ZNF469: variants seen among roughly 807,000 people sequenced by gnomAD.
The protein encoded by ZNF469 is zinc finger protein 469.
In ZNF469, 1 loss-of-function variant was observed where a neutral mutation model predicts 1.0. That is an observed-to-expected ratio of 1.00 (90% confidence interval 0.35 to 4.73). The LOEUF (loss-of-function observed/expected upper bound fraction) is 4.73. Ranked by LOEUF, ZNF469 falls within the 30% of genes most tolerant of loss-of-function variation. The pLI, the probability that ZNF469 is intolerant of heterozygous loss-of-function variation, is 0.16. For synonymous variants in ZNF469, 2,703 were observed against 2,363.4 expected (o/e 1.14, Z -4.17); for missense variants, 6,100 against 5,356.3 (o/e 1.14, Z -4.33).
intron 1 of ZNF469, among the ~76,000 whole-genome samples, chr16:88,385,642 C>CAAAA (rs66861611): frequency 7.5e-6 from 1 of 133,200 alleles, no homozygotes; most frequent in Non-Finnish European, 1.6e-5. Flanking sequence ...GACTCTGTCT[C>CAAAA]AAAAAAAAAA....
chr16:88,241,284 G>A, the ZNF469 span, among the ~76,000 whole-genome samples: 10 of 151,896 alleles, frequency 6.6e-5, no homozygotes, highest in Admixed American at 5.9e-4. This position sits in a 1 kb window ranked among gnomAD's most constrained non-coding sequence, Gnocchi z 4.8. Flanking sequence ...GCTTGAACTC[G>A]GGAGGTGGAG....
chr16:88,253,093 A>C, the ZNF469 span, among the ~76,000 whole-genome samples: 1 of 152,196 alleles, frequency 6.6e-6, no homozygotes, highest in Non-Finnish European at 1.5e-5. Context: ...TCACCGTTTC[A>C]GGTCACTTAC....
the ZNF469 span, among the ~76,000 whole-genome samples, chr16:88,353,288 G>A: frequency 7.2e-5 from 11 of 152,010 alleles, no homozygotes; most frequent in Non-Finnish European, 1.5e-4. Flanking sequence ...TCTTTAAAAC[G>A]TGAGTCTGCC....
At chr16:88,241,758 T>C in the ZNF469 span, among the ~76,000 whole-genome samples, 1 of 152,104 alleles carries the variant, frequency 6.6e-6, no homozygotes, top group East Asian at 1.9e-4. This position sits in a 1 kb window ranked among gnomAD's most constrained non-coding sequence, Gnocchi z 4.8. Context: ...TGAGGTGGTA[T>C]GAGATGACAA....
At chr16:88,153,967 T>A in the ZNF469 span, among the ~76,000 whole-genome samples, 5 of 151,348 alleles carry the variant, frequency 3.3e-5, no homozygotes, top group African/African-American at 1.2e-4. Flanking sequence ...AAAGGCCCCA[T>A]CTTCAAACAC....
chr16:88,341,957 G>A, the ZNF469 span, among the ~76,000 whole-genome samples: 1 of 152,184 alleles, frequency 6.6e-6, no homozygotes, highest in African/African-American at 2.4e-5. Context: ...CAGCATTGAT[G>A]TGTGGACTTC....
At chr16:88,161,391 C>T in the ZNF469 span, among the ~76,000 whole-genome samples, 8 of 152,164 alleles carry the variant, frequency 5.3e-5, no homozygotes, top group Non-Finnish European at 8.8e-5. Context: ...GTGTGCTCAT[C>T]AGAATCTATT....
chr16:88,363,202 C>G, the ZNF469 span, among the ~76,000 whole-genome samples: 1 of 152,142 alleles, frequency 6.6e-6, no homozygotes, highest in African/African-American at 2.4e-5. Flanking sequence ...CAGACTTGGT[C>G]TCTGTTGATT....
the ZNF469 span, among the ~76,000 whole-genome samples, chr16:88,285,097 C>T: frequency 2.6e-5 from 4 of 152,362 alleles, no homozygotes; most frequent in East Asian, 3.9e-4. Context: ...GCCTCATACC[C>T]GTCAGCTTCA....
Position 88,428,475 on chromosome 16 carries a change from G to A in ZNF469, c.1005G>A (p.Leu335=), listed in dbSNP as rs1555518581. The change falls in exon 3 of 3, where the codon CTG becomes CTA. Residue 335 remains leucine, a synonymous_variant. Coordinates refer to ENST00000565624, the MANE Select transcript of ZNF469 (RefSeq NM_001367624.2). ...CCACCCAGCCTGCGCCCTCACCCCT[G>A]CCCTGCTACCAGGGCCAGCCAGGTG... ...PLPTQPAPSP[L]PCYQGQPGGL... is the part of the protein sequence containing the mutation. 1 of 1,549,182 alleles carries A rather than the reference G, an allele frequency of 6.5e-7. No homozygotes were observed.
the ZNF469 span, among the ~76,000 whole-genome samples, chr16:88,226,529 GT>G: frequency 6.6e-6 from 1 of 152,168 alleles, no homozygotes; most frequent in African/African-American, 2.4e-5. Context: ...GACCTCCGGA[GT>G]TGGGAGAGAG....
At chr16:88,385,247 G>A (rs755858884) in intron 1 of ZNF469, among the ~76,000 whole-genome samples, 3 of 152,094 alleles carry the variant, frequency 2.0e-5, no homozygotes, top group Non-Finnish European at 2.9e-5. Flanking sequence ...TGTCACCACC[G>A]ATAGTGCCCT....
chr16:88,415,781 C>T (rs983336784), intron 1 of ZNF469, among the ~76,000 whole-genome samples: 9 of 152,204 alleles, frequency 5.9e-5, no homozygotes, highest in African/African-American at 1.4e-4. Flanking sequence ...AAACCGGGAC[C>T]GACGGCTTCT....
At chr16:88,175,335 G>A in the ZNF469 span, among the ~76,000 whole-genome samples, 1 of 152,212 alleles carries the variant, frequency 6.6e-6, no homozygotes, top group Non-Finnish European at 1.5e-5. Flanking sequence ...TGGAAGACCT[G>A]AAGAACGTTA....
the ZNF469 span, among the ~76,000 whole-genome samples, chr16:88,238,337 A>T: frequency 2.0e-5 from 3 of 152,200 alleles, no homozygotes; most frequent in African/African-American, 7.2e-5. Flanking sequence ...CAAGTGACAC[A>T]CAGGGGTCCC....
At chr16:88,296,333 G>A in the ZNF469 span, among the ~76,000 whole-genome samples, 1 of 152,158 alleles carries the variant, frequency 6.6e-6, no homozygotes, top group African/African-American at 2.4e-5. Flanking sequence ...GCGTGGGGGT[G>A]GGGGAATGAC....
chr16:88,260,425 T>G, the ZNF469 span, among the ~76,000 whole-genome samples: 1 of 152,200 alleles, frequency 6.6e-6, no homozygotes, highest in Admixed American at 6.5e-5. The surrounding 1 kb of genome is among the most constrained non-coding windows in gnomAD (Gnocchi z 4.1). Flanking sequence ...CGGTTGCATC[T>G]CCGGCCGTCA....
At chr16:88,182,286 A>G in the ZNF469 span, among the ~76,000 whole-genome samples, 3 of 152,182 alleles carry the variant, frequency 2.0e-5, no homozygotes, top group Non-Finnish European at 4.4e-5. Context: ...AGTATTGTTA[A>G]GATGTAAATC....
the ZNF469 span, among the ~76,000 whole-genome samples, chr16:88,297,051 C>G: frequency 6.6e-6 from 1 of 152,338 alleles, no homozygotes; most frequent in Non-Finnish European, 1.5e-5. Context: ...GCCATTGCTC[C>G]AGGAGAGATC....
Sources: allele counts gnomAD v4.1 joint callset (sites outside exome capture counted in the v4.1 genomes callset), GRCh38; gene constraint gnomAD v4.1.1; non-coding constraint Gnocchi (gnomAD v3.1); transcripts MANE v1.5; gene names NCBI Gene and HGNC (gene_info 2026-07-23, HGNC 2026-07-21).